PALM2AKAP2: variants seen among roughly 807,000 people sequenced by gnomAD.
The protein encoded by PALM2AKAP2 is PALM2-AKAP2 fusion protein.
PALM2AKAP2 carries 37 observed loss-of-function variants against 71.5 expected under a neutral mutation model. The observed-to-expected ratio is 0.52, with a 90% CI of 0.40 to 0.68. The LOEUF (loss-of-function observed/expected upper bound fraction) is 0.68, where lower values mean the gene tolerates loss of function less well. PALM2AKAP2 is among the 30% of genes least tolerant of loss of function. The pLI, the probability that PALM2AKAP2 is intolerant of heterozygous loss-of-function variation, is 0.00. For synonymous variants in PALM2AKAP2, 468 were observed against 478.8 expected (o/e 0.98, Z 0.29); for missense variants, 1,224 against 1,191.8 (o/e 1.03, Z -0.40).
At chr9:109,941,002 A>G (rs569389887) in intron 6 of PALM2AKAP2, among the ~76,000 whole-genome samples, 52 of 152,286 alleles carry the variant, frequency 3.4e-4, no homozygotes, top group African/African-American at 1.2e-3. Context: ...TTTGTGGACC[A>G]TATAGTCTTT....
intron 3 of PALM2AKAP2, among the ~76,000 whole-genome samples, chr9:109,882,200 A>G (rs1480811845): frequency 6.6e-6 from 1 of 152,170 alleles, no homozygotes; most frequent in Non-Finnish European, 1.5e-5. Flanking sequence ...TTTTAAAATA[A>G]AGGGTAATAG....
intron 6 of PALM2AKAP2, among the ~76,000 whole-genome samples, chr9:109,956,546 A>G (rs909959556): frequency 2.0e-5 from 3 of 152,204 alleles, no homozygotes; most frequent in Admixed American, 6.5e-5. Context: ...GAGTACAAAG[A>G]TAGAGTCAGC....
intron 3 of PALM2AKAP2, among the ~76,000 whole-genome samples, chr9:109,916,737 A>G (rs1173089958): frequency 2.6e-5 from 4 of 152,240 alleles, no homozygotes; most frequent in African/African-American, 4.8e-5. Context: ...GCTTAAGCCC[A>G]TAACAAGCAA....
intron 7 of PALM2AKAP2, among the ~76,000 whole-genome samples, chr9:110,028,550 C>T (rs961876995): frequency 2.0e-5 from 3 of 152,160 alleles, no homozygotes; most frequent in Non-Finnish European, 4.4e-5. Flanking sequence ...AGTAAAGTAA[C>T]TTACCCAAGA....
intron 1 of PALM2AKAP2, among the ~76,000 whole-genome samples, chr9:109,653,079 G>A (rs1034567158): frequency 6.6e-6 from 1 of 152,050 alleles, no homozygotes; most frequent in African/African-American, 2.4e-5. Flanking sequence ...AAACTAGTTT[G>A]AATAACCGAC....
chr9:110,139,003 CA>C (rs1436854707), intron 2 of PALM2AKAP2, among the ~76,000 whole-genome samples: 2 of 152,150 alleles, frequency 1.3e-5, no homozygotes, highest in Non-Finnish European at 2.9e-5. Context: ...GTTTCCTTCC[CA>C]GCAATGATAG....
intron 7 of PALM2AKAP2, among the ~76,000 whole-genome samples, chr9:110,027,999 C>A (rs568911954): frequency 2.6e-5 from 4 of 152,154 alleles, no homozygotes; most frequent in African/African-American, 9.6e-5. Context: ...TGGTTCCTTG[C>A]CAAAGGAAAT....
chr9:109,966,673 C>T (rs950239770), intron 6 of PALM2AKAP2, among the ~76,000 whole-genome samples: 3 of 152,144 alleles, frequency 2.0e-5, no homozygotes, highest in Non-Finnish European at 4.4e-5. Flanking sequence ...GTGTCTGTTA[C>T]GTTATTTTTT....
At chr9:109,784,723 C>G (rs1429365529) in intron 1 of PALM2AKAP2, among the ~76,000 whole-genome samples, 4 of 152,220 alleles carry the variant, frequency 2.6e-5, no homozygotes, top group Admixed American at 1.3e-4. Flanking sequence ...GAATGCTGCC[C>G]GCAGCAGGCC....
intron 3 of PALM2AKAP2, among the ~76,000 whole-genome samples, chr9:109,896,666 C>G (rs183513690): frequency 6.6e-6 from 1 of 152,030 alleles, no homozygotes; most frequent in Non-Finnish European, 1.5e-5. Context: ...CAAAAATTAG[C>G]CAAGCATGGT....
At chr9:109,860,979 C>T (rs1446988605) in intron 1 of PALM2AKAP2, among the ~76,000 whole-genome samples, 1 of 152,226 alleles carries the variant, frequency 6.6e-6, no homozygotes, top group East Asian at 1.9e-4. Context: ...GCAACGTTTA[C>T]AATTTAATAT....
chr9:110,122,038 T>C (rs1835498070), intron 1 of PALM2AKAP2, among the ~76,000 whole-genome samples: 1 of 152,224 alleles, frequency 6.6e-6, no homozygotes, highest in South Asian at 2.1e-4. Flanking sequence ...GCCTACGCTT[T>C]CAAAGTCGTC....
chr9:109,994,188 G>A (rs1005882232), intron 6 of PALM2AKAP2, among the ~76,000 whole-genome samples: 2 of 152,196 alleles, frequency 1.3e-5, no homozygotes, highest in African/African-American at 4.8e-5. Flanking sequence ...GTGATCCTGT[G>A]TCATTTTGAG....
chr9:109,971,718 G>A (rs1008149180), intron 6 of PALM2AKAP2, among the ~76,000 whole-genome samples: 8 of 152,052 alleles, frequency 5.3e-5, no homozygotes, highest in African/African-American at 1.4e-4. Context: ...GAGCCACCGC[G>A]CCCAGCCAAG....
Position 109,975,042 on chromosome 9 carries a change from A to T in PALM2AKAP2, c.497-40912A>T, listed in dbSNP as rs59907068. Among the ~76,000 whole-genome samples, 30 of 151,424 alleles carry T rather than the reference A, an allele frequency of 2.0e-4. No homozygotes were observed. In the East Asian group the frequency reaches 3.0e-3, roughly 15 times the overall value. The stretch of plus-strand genomic sequence containing the variant: ...TTCAGAAAATATCACAAAGCCAAAT[A>T]TATATGTATCTGCACGTGCACACAC... On this transcript the variant is annotated intron_variant, in intron 6 of 9. Transcript: ENST00000302798.
At chr9:110,145,840 G>A (rs1029504235) in intron 2 of PALM2AKAP2, among the ~76,000 whole-genome samples, 1 of 142,822 alleles carries the variant, frequency 7.0e-6, no homozygotes, top group Non-Finnish European at 1.5e-5. Context: ...ACCCTTAAAG[G>A]CTTGGAAAAG....
At chr9:109,817,766 C>A (rs369741856) in intron 1 of PALM2AKAP2, among the ~76,000 whole-genome samples, 1 of 152,168 alleles carries the variant, frequency 6.6e-6, no homozygotes, top group Admixed American at 6.5e-5. Flanking sequence ...ATTTTATTTA[C>A]GCTTGGAAAC....
Position 110,146,744 on chromosome 9 carries a change from G to A in PALM2AKAP2, c.2569+8205G>A, listed in dbSNP as rs73534847. On this transcript the variant is annotated intron_variant, in intron 2 of 3. Transcript: ENST00000374525. ...CATTTCAGATCTATTTGATCTTTGT[G>A]TGCTACATACTTATGGGGTGGAAGG... Among the ~76,000 whole-genome samples the A allele has an allele frequency of 3.3e-3, 503 of 152,234 alleles. 1 individual carries two copies. Among genetic ancestry groups the A allele is most frequent in the African/African-American group, 0.012 (482 of 41,538 alleles).
chr9:109,652,023 C>T (rs1220793046), intron 1 of PALM2AKAP2, among the ~76,000 whole-genome samples: 3 of 152,056 alleles, frequency 2.0e-5, no homozygotes, highest in Admixed American at 2.0e-4. Flanking sequence ...TGGATGCTAC[C>T]TAAATTACTG....
Sources: gnomAD v4.1 joint callset for allele counts (sites outside exome capture counted in the v4.1 genomes callset) on GRCh38, gnomAD v4.1.1 for gene constraint, MANE v1.5 for transcripts, NCBI Gene and HGNC (gene_info 2026-07-23, HGNC 2026-07-21) for gene names.